The following TTC28 variants were observed in gnomAD, a reference collection of about 807,000 sequenced individuals.
TTC28 encodes the protein tetratricopeptide repeat protein 28.
Under a neutral mutation model 198.0 loss-of-function variants are expected in TTC28, and 61 were observed. The ratio of observed to expected loss-of-function variants is 0.31; its 90% CI spans 0.25 to 0.38. The LOEUF is 0.38. Ranked by LOEUF, TTC28 falls within the 10% of genes least tolerant of loss-of-function variation. TTC28 has a pLI of 1.00. For missense variants in TTC28, 2,678 were observed against 3,164.0 expected (o/e 0.85, Z 3.69); for synonymous variants, 1,171 against 1,297.8 (o/e 0.90, Z 2.10).
At chr22:28,536,724 A>G (rs1048716027) in intron 2 of TTC28, among the ~76,000 whole-genome samples, 4 of 152,238 alleles carry the variant, frequency 2.6e-5, no homozygotes, top group African/African-American at 9.6e-5. Context: ...GAAGGTGTCA[A>G]TTCTCTGATC....
At chr22:28,185,760 C>G (rs1268411597) in intron 5 of TTC28, among the ~76,000 whole-genome samples, 1 of 152,106 alleles carries the variant, frequency 6.6e-6, no homozygotes, top group East Asian at 1.9e-4. Flanking sequence ...TGCTTTTTTA[C>G]ATTATCTCAA....
chr22:28,476,493 A>C lies in TTC28; in HGVS notation c.381+153059T>G, dbSNP rs566468478. ...TCTAGGAGTCAAATTGCTGGTTTAT[A>C]AAGTTAAAAGTTCAACTTTTAAAAT... On this transcript the variant is annotated intron_variant, in intron 2 of 22. Coordinates refer to ENST00000397906, the MANE Select transcript of TTC28 (RefSeq NM_001145418.2). Among the ~76,000 whole-genome samples the C allele has an allele frequency of 2.6e-5, 4 of 152,306 alleles. No individual in the cohort carries two copies. The South Asian group carries it at 8.3e-4, about 32-fold the overall frequency.
chr22:28,458,840 C>G (rs1467590654), intron 2 of TTC28, among the ~76,000 whole-genome samples: 1 of 149,296 alleles, frequency 6.7e-6, no homozygotes, highest in East Asian at 2.0e-4. Flanking sequence ...AAGATCATGT[C>G]ACTGCACTCC....
At chr22:28,372,114 A>C (rs911484985) in intron 2 of TTC28, among the ~76,000 whole-genome samples, 1 of 152,062 alleles carries the variant, frequency 6.6e-6, no homozygotes, top group Non-Finnish European at 1.5e-5. Flanking sequence ...GCCTTAAAAA[A>C]GAGAGTCCAG....
chr22:28,580,756 GTAAT>G (rs2146055514), intron 2 of TTC28, among the ~76,000 whole-genome samples: 1 of 152,158 alleles, frequency 6.6e-6, no homozygotes, highest in African/African-American at 2.4e-5. Flanking sequence ...AATTCCTAAA[GTAAT>G]TCATAAAATC....
intron 1 of TTC28, among the ~76,000 whole-genome samples, chr22:28,645,095 A>C (rs1026092193): frequency 6.6e-6 from 1 of 151,732 alleles, no homozygotes; most frequent in Non-Finnish European, 1.5e-5. Flanking sequence ...CAGTGAGCTG[A>C]GATTGCGCCA....
In TTC28 at chr22:27,998,303, C is replaced by T. The variant is rs189990564; in HGVS notation, c.5119+237G>A. ...TACACTGACATCAGGAGGAGTTTCA[C>T]ATTCATACACTCATGGCAAATGGTT... is the stretch of plus-strand genomic sequence containing the variant. On this transcript the variant is annotated intron_variant, in intron 16 of 22. Coordinates refer to ENST00000397906, the MANE Select transcript of TTC28 (RefSeq NM_001145418.2). 6.5e-3 allele frequency: 4,278 copies of T among 663,138 alleles called. 122 individuals carry two copies. The highest frequency in any genetic ancestry group is 0.058 in the South Asian group (2,767 of 47,878). 41.1% of individuals were successfully genotyped at this position (663,138 alleles called of 1,614,324 possible).
rs936997802 is a variant in TTC28, at chr22:28,081,682, A to C, written c.3932+12398T>G. 3.3e-5 allele frequency among the ~76,000 whole-genome samples: 5 copies of C among 152,046 alleles called. No homozygotes were observed. The East Asian group carries it at 9.7e-4, about 30-fold the overall frequency. On this transcript the variant is annotated intron_variant, in intron 12 of 22. Transcript: ENST00000397906. Reference sequence around the variant, plus strand: ...TAATTTTGTACATTTAGTAGAGACGAGATTTCACCATGTTGGCCAGGCTGG... The same window carrying C: ...TAATTTTGTACATTTAGTAGAGACGCGATTTCACCATGTTGGCCAGGCTGG...
At chr22:28,537,296 A>ATAAC (rs1569008965) in intron 2 of TTC28, among the ~76,000 whole-genome samples, 2 of 94,640 alleles carry the variant, frequency 2.1e-5, no homozygotes, top group African/African-American at 4.0e-5. Context: ...CCGTCTCAAA[A>ATAAC]ATAAAATAAA....
chr22:28,169,563 C>A (rs915366112), intron 5 of TTC28, among the ~76,000 whole-genome samples: 3 of 152,164 alleles, frequency 2.0e-5, no homozygotes, highest in Non-Finnish European at 4.4e-5. Flanking sequence ...AGCAAACTAT[C>A]GCAAGGACAA....
chr22:28,513,345 C>T (rs1398660640), intron 2 of TTC28, among the ~76,000 whole-genome samples: 1 of 152,162 alleles, frequency 6.6e-6, no homozygotes, highest in African/African-American at 2.4e-5. Context: ...TTTACTTCTA[C>T]CCACTGCATC....
At chr22:28,177,848 T>TG (rs1443357500) in intron 5 of TTC28, among the ~76,000 whole-genome samples, 4 of 151,996 alleles carry the variant, frequency 2.6e-5, no homozygotes, top group African/African-American at 9.7e-5. Flanking sequence ...GCAAGGGAGT[T>TG]GGGGGAGTGG....
chr22:28,563,499 CA>C (rs2049923551), intron 2 of TTC28, among the ~76,000 whole-genome samples: 1 of 152,010 alleles, frequency 6.6e-6, no homozygotes. Context: ...TCATCAAAAC[CA>C]AAGATTAATC....
chr22:28,472,901 CA>C (rs2048116216), intron 2 of TTC28, among the ~76,000 whole-genome samples: 2 of 152,024 alleles, frequency 1.3e-5, no homozygotes, highest in South Asian at 4.2e-4. Flanking sequence ...GATTTAATAT[CA>C]GATTTAATAT....
chr22:28,117,422 T>C (rs1942662156), intron 6 of TTC28, among the ~76,000 whole-genome samples: 2 of 152,166 alleles, frequency 1.3e-5, no homozygotes, highest in Non-Finnish European at 2.9e-5. Flanking sequence ...AGCCTACAAT[T>C]ACAAATCATA....
intron 5 of TTC28, among the ~76,000 whole-genome samples, chr22:28,284,489 T>C (rs1367150981): frequency 1.3e-5 from 2 of 152,028 alleles, no homozygotes; most frequent in South Asian, 2.1e-4. Context: ...GCCAAAAGCA[T>C]AGATAACAAA....
Position 28,629,741 on chromosome 22 carries a change from C to G in TTC28, c.192G>C (p.Gln64His). ...CTCCATCATGACAGGCCTGATTACT[C>G]TGACGAACTTTCTCAACAAATTCAG... ...SKAEFVEKVR[Q>H]SNQACHDGDF... The change falls in exon 2 of 23, where the codon CAG becomes CAC. Residue 64 changes from glutamine to histidine, a missense_variant. By Grantham distance (24) the Gln-to-His change is conservative. Around this residue, in one of 8 missense-constraint regions of TTC28, gnomAD observed 176 missense variants for 197.9 expected, o/e 0.89. Transcript: ENST00000397906. The G allele has an allele frequency of 6.4e-7, 1 of 1,551,688 alleles. No homozygotes were observed.
intron 2 of TTC28, among the ~76,000 whole-genome samples, chr22:28,598,167 A>G (rs1203813637): frequency 2.0e-5 from 3 of 152,046 alleles, no homozygotes; most frequent in Non-Finnish European, 4.4e-5. Flanking sequence ...CTGACCTCAC[A>G]GGGTTTAAAC....
chr22:27,995,768 TGC>T (rs1238098120), intron 17 of TTC28, among the ~76,000 whole-genome samples: 2 of 152,190 alleles, frequency 1.3e-5, no homozygotes, highest in Non-Finnish European at 2.9e-5. Flanking sequence ...GCCTGGAAGC[TGC>T]TAGGTTGTGG....
Sources: allele counts gnomAD v4.1 joint callset (sites outside exome capture counted in the v4.1 genomes callset), GRCh38; gene constraint gnomAD v4.1.1; regional missense constraint gnomAD v4.1.1; transcripts MANE v1.5; gene names NCBI Gene and HGNC (gene_info 2026-07-23, HGNC 2026-07-21).